Variants in GRID2 observed in about 807,000 individuals in gnomAD.
GRID2 encodes the protein glutamate receptor ionotropic, delta-2.
In GRID2, 33 loss-of-function variants were observed where a neutral mutation model predicts 114.8. That is an observed-to-expected ratio of 0.29 (90% confidence interval 0.22 to 0.38). GRID2 has a LOEUF of 0.38. Among genes scored for constraint, GRID2 ranks in the 10% least tolerant of loss-of-function variants. The probability of loss-of-function intolerance (pLI) is 1.00; values close to 1 mark genes in which losing one functional copy is unlikely to be tolerated. For missense variants in GRID2, 1,184 were observed against 1,257.7 expected, an observed-to-expected ratio of 0.94 and a Z score of 0.89; for synonymous variants, 505 against 449.9, an observed-to-expected ratio of 1.12 and a Z score of -1.55.
In GRID2 at chr4:92,807,281, C is replaced by T. The variant is rs571398168; in HGVS notation, c.244+216995C>T. Among the ~76,000 whole-genome samples, 27 of 151,978 alleles carry T rather than the reference C, an allele frequency of 1.8e-4. No homozygotes were observed. The South Asian group carries it at 5.2e-3, about 29-fold the overall frequency. ...TTTTCTGGAATATCTATATATTGTGCATACAGATAAAGTGTACCCTTTGCT... is the reference window on the plus strand; with the variant it reads ...TTTTCTGGAATATCTATATATTGTGTATACAGATAAAGTGTACCCTTTGCT... On this transcript the variant is annotated intron_variant, in intron 2 of 15. Coordinates refer to ENST00000282020, the MANE Select transcript of GRID2 (RefSeq NM_001510.4).
intron 1 of GRID2, among the ~76,000 whole-genome samples, chr4:92,447,476 A>G (rs374305439): frequency 2.1e-4 from 32 of 152,272 alleles, no homozygotes; most frequent in African/African-American, 7.0e-4. Context: ...TCCCAAACCA[A>G]GTAGTAGTTG....
intron 9 of GRID2, among the ~76,000 whole-genome samples, chr4:93,397,313 A>T (rs10010589): frequency 0.083 from 12,631 of 151,886 alleles, 694 homozygotes; most frequent in African/African-American, 0.16. Context: ...TTCTGTATGT[A>T]CCTAAGGGTA....
At chr4:93,453,752 C>T (rs1722935702) in intron 10 of GRID2, among the ~76,000 whole-genome samples, 1 of 151,942 alleles carries the variant, frequency 6.6e-6, no homozygotes, top group African/African-American at 2.4e-5. Context: ...AATTCCTCCT[C>T]AGGTGGAATT....
intron 1 of GRID2, among the ~76,000 whole-genome samples, chr4:93,783,516 A>G (rs1734523679): frequency 6.6e-6 from 1 of 152,222 alleles, no homozygotes; most frequent in Admixed American, 6.5e-5. Flanking sequence ...CAGTAGCTAC[A>G]AATATTTGTA....
At chr4:93,105,494 A>T (rs1732133153) in intron 3 of GRID2, among the ~76,000 whole-genome samples, 1 of 152,148 alleles carries the variant, frequency 6.6e-6, no homozygotes, top group Admixed American at 6.6e-5. Flanking sequence ...ATAAGGTGTA[A>T]GGAAGGGATC....
chr4:92,849,619 AT>A (rs1182104289), intron 2 of GRID2, among the ~76,000 whole-genome samples: 2 of 151,916 alleles, frequency 1.3e-5, no homozygotes, highest in Admixed American at 1.3e-4. Flanking sequence ...CTTCAACTCC[AT>A]TTTTCAACTT....
chr4:93,611,151 G>A (rs1192160072), intron 13 of GRID2, among the ~76,000 whole-genome samples: 8 of 101,816 alleles, frequency 7.9e-5, no homozygotes, highest in Non-Finnish European at 1.4e-4. Flanking sequence ...CTGTGGGATC[G>A]GTGGTGATAT....
At chr4:93,804,958 T>C (rs1276789537) in intron 1 of GRID2, among the ~76,000 whole-genome samples, 2 of 152,228 alleles carry the variant, frequency 1.3e-5, no homozygotes, top group African/African-American at 4.8e-5. Flanking sequence ...GGTAGATGTA[T>C]CTCCCAACCA....
intron 1 of GRID2, among the ~76,000 whole-genome samples, chr4:92,556,117 G>T (rs1726838065): frequency 1.3e-5 from 2 of 152,150 alleles, no homozygotes; most frequent in Non-Finnish European, 2.9e-5. Flanking sequence ...GTGTCCTAAG[G>T]TGAGAAGGAG....
At position 92,758,388 on chromosome 4, in the gene GRID2, C is replaced by T. The variant is rs545941218; in HGVS notation, c.244+168102C>T. 3.3e-5 allele frequency among the ~76,000 whole-genome samples: 5 copies of T among 151,910 alleles called. No individual in the cohort carries two copies. The East Asian group carries it at 9.6e-4, about 29-fold the overall frequency. On this transcript the variant is annotated intron_variant, in intron 2 of 15. Coordinates refer to ENST00000282020, the MANE Select transcript of GRID2 (RefSeq NM_001510.4). ...TGACTATTTGGAAACCAACAAGAACCCTTTTTTTGTTACGACAACTATATT... is the reference window on the plus strand; with the variant it reads ...TGACTATTTGGAAACCAACAAGAACTCTTTTTTTGTTACGACAACTATATT...
At chr4:92,998,908 A>G (rs1258515342) in intron 2 of GRID2, among the ~76,000 whole-genome samples, 1 of 151,878 alleles carries the variant, frequency 6.6e-6, no homozygotes, top group African/African-American at 2.4e-5. Flanking sequence ...TTTCCCTTCT[A>G]GAATTTATTT....
At position 93,106,142 on chromosome 4, in the gene GRID2, CT is replaced by C. The variant is rs1354166766; in HGVS notation, c.530-4603del. Among the ~76,000 whole-genome samples, 52 of 152,132 alleles carry C rather than the reference CT, an allele frequency of 3.4e-4. 1 individual carries two copies. Among genetic ancestry groups the C allele is most frequent in the African/African-American group, 1.2e-3 (51 of 41,426 alleles). On this transcript the variant is annotated intron_variant, in intron 3 of 15. Coordinates refer to ENST00000282020, the MANE Select transcript of GRID2 (RefSeq NM_001510.4). The stretch of plus-strand genomic sequence containing the variant: ...TGGAAACTACAGAAACTTCTTTTAG[CT>C]TTCTGTTATCCATAAATAGCACCTA...
intron 1 of GRID2, among the ~76,000 whole-genome samples, chr4:92,566,118 G>C (rs1727321709): frequency 6.6e-6 from 1 of 151,948 alleles, no homozygotes; most frequent in South Asian, 2.1e-4. Context: ...GATATGCCTA[G>C]CAGCTGGCGC....
At chr4:93,514,407 C>T (rs1050398635) in intron 12 of GRID2, among the ~76,000 whole-genome samples, 1 of 147,880 alleles carries the variant, frequency 6.8e-6, no homozygotes, top group African/African-American at 2.5e-5. Context: ...GAAATCGCTC[C>T]CCCCACCTCC....
chr4:93,326,112 T>A (rs377581806), intron 8 of GRID2, among the ~76,000 whole-genome samples: 7 of 152,098 alleles, frequency 4.6e-5, no homozygotes, highest in African/African-American at 1.4e-4. Context: ...CAGTCAGGGT[T>A]TAGTAGAGGA....
chr4:93,136,038 T>C (rs987025002), intron 4 of GRID2, among the ~76,000 whole-genome samples: 2 of 152,162 alleles, frequency 1.3e-5, no homozygotes, highest in Admixed American at 1.3e-4. Flanking sequence ...ACAGGTTCAT[T>C]TAAACATCAT....
intron 10 of GRID2, among the ~76,000 whole-genome samples, chr4:93,427,190 T>A (rs930469274): frequency 5.3e-5 from 8 of 152,000 alleles, no homozygotes; most frequent in African/African-American, 1.9e-4. Flanking sequence ...AATGATACTT[T>A]AATAAAATAC....
At chr4:93,169,143 TACACACACACACACACAC>T (rs33953002) in intron 4 of GRID2, among the ~76,000 whole-genome samples, 2 of 138,106 alleles carry the variant, frequency 1.4e-5, no homozygotes, top group Non-Finnish European at 3.2e-5. Context: ...CACAATGAAA[TACACACACACACACACAC>T]ACACACACAC....
At chr4:92,798,126 CTTATTTGAAATGCTATTTTCTATATT>C (rs1175390833) in intron 2 of GRID2, among the ~76,000 whole-genome samples, 1 of 151,832 alleles carries the variant, frequency 6.6e-6, no homozygotes, top group African/African-American at 2.4e-5. Context: ...TTCAGTAAAA[CTTATTTGAAATGCTATTTTCTATATT>C]TTAAGAAGCG....
Sources: allele counts gnomAD v4.1 joint callset (sites outside exome capture counted in the v4.1 genomes callset), GRCh38; gene constraint gnomAD v4.1.1; transcripts MANE v1.5; gene names NCBI Gene and HGNC (gene_info 2026-07-23, HGNC 2026-07-21).